Variants in SDCCAG8 observed in about 807,000 individuals in gnomAD.
The protein encoded by SDCCAG8 is serologically defined colon cancer antigen 8.
Under a neutral mutation model 101.8 loss-of-function variants are expected in SDCCAG8, and 74 were observed. That is an observed-to-expected ratio of 0.73 (90% CI 0.60 to 0.88). SDCCAG8 has a LOEUF of 0.88. Ranked by LOEUF, SDCCAG8 falls within the 40% of genes least tolerant of loss-of-function variation. The pLI is 0.00. For synonymous variants in SDCCAG8, 281 were observed against 292.9 expected (o/e 0.96, Z 0.41); for missense variants, 787 against 822.6 (o/e 0.96, Z 0.53).
At chr1:243,434,989 T>C (rs1376111487) in intron 16 of SDCCAG8, among the ~76,000 whole-genome samples, 1 of 152,214 alleles carries the variant, frequency 6.6e-6, no homozygotes, top group Non-Finnish European at 1.5e-5. Context: ...TTGCCTGGGA[T>C]AGGCCCACTA....
chr1:243,424,072 T>A (rs191644671), intron 15 of SDCCAG8, among the ~76,000 whole-genome samples: 14 of 152,254 alleles, frequency 9.2e-5, no homozygotes, highest in African/African-American at 3.1e-4. Flanking sequence ...GTGTTTCTTC[T>A]GTAGATATTT....
intron 6 of SDCCAG8, among the ~76,000 whole-genome samples, chr1:243,303,638 A>G (rs777135146): frequency 6.6e-6 from 1 of 152,220 alleles, no homozygotes; most frequent in Non-Finnish European, 1.5e-5. Context: ...TAATAACATT[A>G]TCTTTTCTCT....
intron 13 of SDCCAG8, among the ~76,000 whole-genome samples, chr1:243,384,782 GA>G (rs541341669): frequency 1.7e-4 from 25 of 149,766 alleles, no homozygotes; most frequent in South Asian, 6.3e-4. Context: ...ATCTCTGGGG[GA>G]AAAAAAAATG....
intron 17 of SDCCAG8, among the ~76,000 whole-genome samples, chr1:243,498,505 G>C (rs944246791): frequency 6.6e-6 from 1 of 152,102 alleles, no homozygotes; most frequent in Admixed American, 6.5e-5. Context: ...CCTGAGGCCA[G>C]GCCCCCCACC....
Position 243,341,283 on chromosome 1 carries a change from A to C in SDCCAG8, c.1356+110A>C, listed in dbSNP as rs1240030557. On this transcript the variant is annotated intron_variant, in intron 11 of 17. Coordinates refer to ENST00000366541, the MANE Select transcript of SDCCAG8 (RefSeq NM_006642.5). ...GTTATCAGGAGGAAGTTTGGAGTAG[A>C]AAAGTTTTGTGATTTCAAGAATAAT... 3 of 1,266,804 alleles carry C rather than the reference A, an allele frequency of 2.4e-6. No individual in the cohort carries two copies. In the Admixed American group the frequency reaches 6.4e-5, roughly 27 times the overall value. The allele number at this position is 1,266,804 out of a possible 1,614,324, so 78.5% of individuals were successfully genotyped here.
chr1:243,334,501 T>C (rs1423576542), intron 10 of SDCCAG8, among the ~76,000 whole-genome samples: 2 of 152,218 alleles, frequency 1.3e-5, no homozygotes, highest in Non-Finnish European at 2.9e-5. Context: ...CATACTGTTT[T>C]TTCCAGTGCA....
chr1:243,379,874 C>G (rs1344369015), intron 13 of SDCCAG8, among the ~76,000 whole-genome samples: 1 of 152,136 alleles, frequency 6.6e-6, no homozygotes, highest in African/African-American at 2.4e-5. Flanking sequence ...CAATGTAATT[C>G]TGAGCACGGT....
chr1:243,403,771 T>C (rs1214933543), intron 13 of SDCCAG8, among the ~76,000 whole-genome samples: 1 of 152,176 alleles, frequency 6.6e-6, no homozygotes, highest in Non-Finnish European at 1.5e-5. Context: ...GATGGAACTG[T>C]CTAGTTGCAG....
chr1:243,361,156 C>A (rs549373236), intron 12 of SDCCAG8, among the ~76,000 whole-genome samples: 1 of 152,178 alleles, frequency 6.6e-6, no homozygotes, highest in African/African-American at 2.4e-5. Flanking sequence ...TCTGCCCCCA[C>A]GACCACTTCA....
At chr1:243,262,104 C>CTGGCCTCATGTGGCT (rs1202709875) in intron 1 of SDCCAG8, among the ~76,000 whole-genome samples, 53 of 147,142 alleles carry the variant, frequency 3.6e-4, no homozygotes, top group Admixed American at 6.2e-4. Flanking sequence ...GCCACGGTGC[C>CTGGCCTCATGTGGCT]CGACTTTTTT....
chr1:243,386,929 A>G (rs1256939864), intron 13 of SDCCAG8, among the ~76,000 whole-genome samples: 1 of 152,224 alleles, frequency 6.6e-6, no homozygotes, highest in African/African-American at 2.4e-5. Context: ...TTATAATGCC[A>G]TTGTCATTCT....
intron 13 of SDCCAG8, among the ~76,000 whole-genome samples, chr1:243,386,739 C>T (rs543302603): frequency 2.7e-5 from 4 of 149,254 alleles, no homozygotes; most frequent in African/African-American, 5.0e-5. Flanking sequence ...GGTGACAGAG[C>T]GAGACTCCAT....
chr1:243,346,634 A>G (rs1318914679), intron 12 of SDCCAG8, among the ~76,000 whole-genome samples: 1 of 152,180 alleles, frequency 6.6e-6, no homozygotes, highest in Non-Finnish European at 1.5e-5. Flanking sequence ...AGGTTAGGAG[A>G]GTAACAATGG....
At chr1:243,429,432 G>C (rs866604179) in intron 16 of SDCCAG8, among the ~76,000 whole-genome samples, 5 of 152,096 alleles carry the variant, frequency 3.3e-5, no homozygotes, top group Admixed American at 6.5e-5. Context: ...TTTTTTGACT[G>C]TACAGGGGGT....
At chr1:243,492,294 G>GTTTT (rs1558547697) in intron 17 of SDCCAG8, among the ~76,000 whole-genome samples, 1 of 60,162 alleles carries the variant, frequency 1.7e-5, no homozygotes, top group African/African-American at 6.0e-5. Flanking sequence ...TCGTTTCTTG[G>GTTTT]CTTTTTTTTT....
intron 17 of SDCCAG8, among the ~76,000 whole-genome samples, chr1:243,491,127 G>C (rs887119124): frequency 6.6e-6 from 1 of 152,182 alleles, no homozygotes; most frequent in Non-Finnish European, 1.5e-5. Context: ...AGGAGAACGT[G>C]GGCTTTGCCT....
intron 4 of SDCCAG8, among the ~76,000 whole-genome samples, chr1:243,284,371 T>A (rs1312010007): frequency 6.6e-6 from 1 of 152,218 alleles, no homozygotes. Context: ...TTCCTAAATA[T>A]AGTCTGAGAT....
chr1:243,470,971 T>C (rs1574235979), intron 16 of SDCCAG8, among the ~76,000 whole-genome samples: 1 of 152,108 alleles, frequency 6.6e-6, no homozygotes, highest in Non-Finnish European at 1.5e-5. Context: ...TCTTTCATAG[T>C]TGTTGTTGTT....
chr1:243,471,494 C>T (rs947422555), intron 16 of SDCCAG8, among the ~76,000 whole-genome samples: 1 of 152,136 alleles, frequency 6.6e-6, no homozygotes, highest in African/African-American at 2.4e-5. Context: ...TAATAATGCC[C>T]CAGTCCTCTT....
Sources: allele counts gnomAD v4.1 joint callset (sites outside exome capture counted in the v4.1 genomes callset), GRCh38; gene constraint gnomAD v4.1.1; transcripts MANE v1.5; gene names NCBI Gene and HGNC (gene_info 2026-07-23, HGNC 2026-07-21).